The following KCNH8 variants were observed in gnomAD, a reference collection of about 807,000 sequenced individuals.
KCNH8 encodes the protein potassium voltage-gated channel subfamily H member 8.
In KCNH8, 70 loss-of-function variants were observed where a neutral mutation model predicts 103.6. The ratio of observed to expected loss-of-function variants is 0.68; its 90% CI spans 0.56 to 0.82. The LOEUF (loss-of-function observed/expected upper bound fraction) is 0.82, where lower values mean the gene tolerates loss of function less well. KCNH8 is among the 40% of genes least tolerant of loss of function. The pLI is 0.00. For synonymous variants in KCNH8, 498 were observed against 489.4 expected (o/e 1.02, Z -0.23); for missense variants, 1,217 against 1,329.9 (o/e 0.92, Z 1.32).
intron 11 of KCNH8, among the ~76,000 whole-genome samples, chr3:19,483,037 A>T (rs1475243246): frequency 6.7e-6 from 1 of 148,530 alleles, no homozygotes; most frequent in Admixed American, 6.7e-5. Flanking sequence ...TCAGGGGGCT[A>T]TTTTTTTTTT....
intron 3 of KCNH8, among the ~76,000 whole-genome samples, chr3:19,307,081 A>G (rs2065139895): frequency 6.6e-6 from 1 of 151,822 alleles, no homozygotes; most frequent in Admixed American, 6.6e-5. Flanking sequence ...TCTACAGCCA[A>G]CTGATTTTTG....
chr3:19,235,714 C>T (rs370909172), intron 1 of KCNH8, among the ~76,000 whole-genome samples: 1 of 152,238 alleles, frequency 6.6e-6, no homozygotes, highest in African/African-American at 2.4e-5. Context: ...AATGCAGATG[C>T]TGTTATCTTT....
chr3:19,534,676 A>G lies in KCNH8; in HGVS notation c.*577A>G, dbSNP rs60235616. 6.5e-6 allele frequency: 1 copy of G among 152,722 alleles called. No homozygotes were observed. Among genetic ancestry groups the G allele is most frequent in the East Asian group, 1.9e-4 (1 of 5,208 alleles). 9.5% of individuals were successfully genotyped at this position (152,722 alleles called of 1,614,324 possible). ...AAACGTCTTTATTTATCAAAAAAAC[A>G]CAGAGGCTATTTTTATATCCTTGGT... is the stretch of plus-strand genomic sequence containing the variant. On this transcript the variant is annotated 3_prime_UTR_variant, in exon 16 of 16. Coordinates refer to ENST00000328405, the MANE Select transcript of KCNH8 (RefSeq NM_144633.3).
intron 1 of KCNH8, among the ~76,000 whole-genome samples, chr3:19,165,876 A>G (rs1156662740): frequency 1.3e-5 from 2 of 152,296 alleles, no homozygotes; most frequent in Non-Finnish European, 2.9e-5. Flanking sequence ...AGGAAGCTCA[A>G]CTAGGGCATT....
intron 10 of KCNH8, among the ~76,000 whole-genome samples, chr3:19,453,314 A>G (rs2067478182): frequency 6.6e-6 from 1 of 152,136 alleles, no homozygotes. Flanking sequence ...CAATATATCT[A>G]TGTAACAAAA....
chr3:19,197,292 C>T (rs778749596), intron 1 of KCNH8, among the ~76,000 whole-genome samples: 6 of 151,960 alleles, frequency 3.9e-5, no homozygotes, highest in Non-Finnish European at 7.4e-5. Flanking sequence ...TATTCTTAGT[C>T]ATCTTTGTTT....
At chr3:19,169,352 G>A (rs1179605049) in intron 1 of KCNH8, among the ~76,000 whole-genome samples, 1 of 147,146 alleles carries the variant, frequency 6.8e-6, no homozygotes, top group Non-Finnish European at 1.5e-5. Flanking sequence ...TCCGCCTCCC[G>A]GGTTCACGCC....
In KCNH8 at chr3:19,356,724, C is replaced by G. The variant is rs377741896; in HGVS notation, c.811+8759C>G. Reference sequence around the variant, plus strand: ...TGTGCATTAGTGATTTGCCCAAGGCCCTATAACTAACTGATGGCAGACTCA... The same window carrying G: ...TGTGCATTAGTGATTTGCCCAAGGCGCTATAACTAACTGATGGCAGACTCA... On this transcript the variant is annotated intron_variant, in intron 5 of 15. Coordinates refer to ENST00000328405, the MANE Select transcript of KCNH8 (RefSeq NM_144633.3). Among the ~76,000 whole-genome samples, 10 of 151,976 alleles carry G rather than the reference C, an allele frequency of 6.6e-5. No individual in the cohort carries two copies. In the South Asian group the frequency reaches 1.7e-3, roughly 25 times the overall value.
rs1559486070 is a variant in KCNH8 at position 19,347,900 on chromosome 3, A to G, written c.746A>G (p.Asp249Gly). ...VPYNVCFIGNDDLSTTRSTTV... is the reference protein window; with the variant it reads ...VPYNVCFIGNGDLSTTRSTTV... ...TACAACGTTTGCTTTATTGGCAATGACGACCTGTCCACAACTCGGAGCACA... is the reference window on the plus strand; with the variant it reads ...TACAACGTTTGCTTTATTGGCAATGGCGACCTGTCCACAACTCGGAGCACA... The change falls in exon 5 of 16, where the codon GAC becomes GGC. Residue 249 changes from aspartate to glycine, a missense_variant. Physicochemically the swap from Asp to Gly is moderately conservative, Grantham distance 94. Coordinates refer to ENST00000328405, the MANE Select transcript of KCNH8 (RefSeq NM_144633.3). 1.9e-6 allele frequency: 3 copies of G among 1,613,328 alleles called. No homozygotes were observed. The highest frequency in any genetic ancestry group is 2.5e-6 in the Non-Finnish European group (3 of 1,179,480).
At chr3:19,360,614 A>G (rs975623154) in intron 5 of KCNH8, among the ~76,000 whole-genome samples, 11 of 152,022 alleles carry the variant, frequency 7.2e-5, no homozygotes, top group African/African-American at 2.7e-4. Context: ...TTCTAACCCA[A>G]CATTGCCTTT....
intron 1 of KCNH8, among the ~76,000 whole-genome samples, chr3:19,194,401 T>A (rs1419667772): frequency 6.6e-6 from 1 of 151,794 alleles, no homozygotes; most frequent in Non-Finnish European, 1.5e-5. Flanking sequence ...TTGTATGAAT[T>A]ATTTATCCAA....
At chr3:19,374,706 T>A (rs1349207192) in intron 5 of KCNH8, among the ~76,000 whole-genome samples, 1 of 152,198 alleles carries the variant, frequency 6.6e-6, no homozygotes, top group East Asian at 1.9e-4. Context: ...GTCTCGATGG[T>A]CTTTACATTT....
At chr3:19,388,671 A>G (rs574322716) in intron 5 of KCNH8, among the ~76,000 whole-genome samples, 1 of 152,250 alleles carries the variant, frequency 6.6e-6, no homozygotes, top group Non-Finnish European at 1.5e-5. Context: ...TAAAAGTTAT[A>G]TCATTCACAA....
intron 2 of KCNH8, among the ~76,000 whole-genome samples, chr3:19,266,368 C>A (rs558142162): frequency 6.6e-6 from 1 of 152,072 alleles, no homozygotes; most frequent in African/African-American, 2.4e-5. Context: ...CCTTTGTACT[C>A]GGTGTTCCCC....
chr3:19,448,485 A>G (rs2067395496), intron 8 of KCNH8, among the ~76,000 whole-genome samples: 2 of 152,018 alleles, frequency 1.3e-5, no homozygotes, highest in Non-Finnish European at 2.9e-5. Flanking sequence ...GAAATTATGT[A>G]TTACCTAGGA....
Position 19,169,521 on chromosome 3 carries a change from C to T in KCNH8, c.76+20726C>T, listed in dbSNP as rs141403223. ...TTGGCCTCCCAAAGTGCCGGGATTA[C>T]AGGCGTGAGCCACCGCGCCCAGCCT... is the stretch of plus-strand genomic sequence containing the variant. On this transcript the variant is annotated intron_variant, in intron 1 of 15. Coordinates refer to ENST00000328405, the MANE Select transcript of KCNH8 (RefSeq NM_144633.3). 1.7e-3 allele frequency among the ~76,000 whole-genome samples: 265 copies of T among 152,288 alleles called. 1 individual carries two copies. Among genetic ancestry groups the T allele is most frequent in the African/African-American group, 4.6e-3 (190 of 41,570 alleles).
At chr3:19,165,176 A>G (rs2063270787) in intron 1 of KCNH8, among the ~76,000 whole-genome samples, 1 of 152,216 alleles carries the variant, frequency 6.6e-6, no homozygotes, top group South Asian at 2.1e-4. Flanking sequence ...GCTGTTAAAA[A>G]TGATTTCTGG....
chr3:19,371,319 G>A (rs1213370123), intron 5 of KCNH8, among the ~76,000 whole-genome samples: 2 of 151,868 alleles, frequency 1.3e-5, no homozygotes, highest in Non-Finnish European at 2.9e-5. Context: ...GTGTGAGATG[G>A]TATCTCATTG....
At chr3:19,391,118 TG>T (rs2066431158) in intron 6 of KCNH8, among the ~76,000 whole-genome samples, 1 of 152,104 alleles carries the variant, frequency 6.6e-6, no homozygotes, top group South Asian at 2.1e-4. Context: ...TGAATTTAAA[TG>T]AGAAAATTCA....
Sources: gnomAD v4.1 joint callset for allele counts (sites outside exome capture counted in the v4.1 genomes callset) on GRCh38, gnomAD v4.1.1 for gene constraint, MANE v1.5 for transcripts, NCBI Gene and HGNC (gene_info 2026-07-23, HGNC 2026-07-21) for gene names.